Variants in ADAM22 observed in about 807,000 individuals in gnomAD.
The protein encoded by ADAM22 is disintegrin and metalloproteinase domain-containing protein 22.
ADAM22 carries 65 observed loss-of-function variants against 144.6 expected under a neutral mutation model. That is an observed-to-expected ratio of 0.45 (90% CI 0.37 to 0.55). The LOEUF is 0.55. ADAM22 is among the 20% of genes least tolerant of loss of function. ADAM22 has a pLI of 0.00. For missense variants in ADAM22, 974 were observed against 1,184.9 expected, an observed-to-expected ratio of 0.82 and a Z score of 2.61; for synonymous variants, 391 against 412.6, an observed-to-expected ratio of 0.95 and a Z score of 0.63.
At chr7:88,091,786 T>C (rs913432161) in intron 4 of ADAM22, among the ~76,000 whole-genome samples, 1 of 152,158 alleles carries the variant, frequency 6.6e-6, no homozygotes, top group Non-Finnish European at 1.5e-5. Flanking sequence ...AGAATGCAAA[T>C]ATTTTAATTA....
chr7:88,019,141 C>T (rs1473854018), intron 3 of ADAM22, among the ~76,000 whole-genome samples: 2 of 151,852 alleles, frequency 1.3e-5, no homozygotes, highest in Non-Finnish European at 2.9e-5. Context: ...AGCAATTTAG[C>T]ACTGACCCAG....
intron 2 of ADAM22, among the ~76,000 whole-genome samples, chr7:87,978,113 T>C (rs1852345593): frequency 6.6e-6 from 1 of 152,216 alleles, no homozygotes; most frequent in African/African-American, 2.4e-5. Flanking sequence ...ACTAGAAAAG[T>C]AGGGCACTTG....
At chr7:88,007,751 A>G (rs1584975033) in intron 3 of ADAM22, among the ~76,000 whole-genome samples, 5 of 152,340 alleles carry the variant, frequency 3.3e-5, no homozygotes, top group Admixed American at 6.5e-5. Context: ...AATTAATTCA[A>G]GATGGATTAA....
At chr7:88,137,933 CA>C (rs1245121986) in intron 14 of ADAM22, among the ~76,000 whole-genome samples, 1 of 152,122 alleles carries the variant, frequency 6.6e-6, no homozygotes, top group African/African-American at 2.4e-5. Context: ...GCAGGCAGAT[CA>C]CTTGAGCCCA....
chr7:88,152,860 T>C (rs1384108461), intron 20 of ADAM22, among the ~76,000 whole-genome samples: 4 of 152,086 alleles, frequency 2.6e-5, no homozygotes, highest in Non-Finnish European at 5.9e-5. Flanking sequence ...TTTTGTATTT[T>C]AGTAGAGACG....
intron 3 of ADAM22, among the ~76,000 whole-genome samples, chr7:88,066,315 GT>G (rs1811228793): frequency 6.6e-6 from 1 of 152,058 alleles, no homozygotes; most frequent in Non-Finnish European, 1.5e-5. Context: ...TTTCTTATCA[GT>G]TCCATATATG....
intron 2 of ADAM22, among the ~76,000 whole-genome samples, chr7:87,937,345 G>T (rs576982916): frequency 6.6e-5 from 10 of 152,076 alleles, no homozygotes; most frequent in African/African-American, 2.4e-4. Flanking sequence ...TTTCAGTGAA[G>T]ACATGGAGTC....
chr7:88,183,270 G>T (rs1847528060), intron 29 of ADAM22, among the ~76,000 whole-genome samples: 1 of 152,056 alleles, frequency 6.6e-6, no homozygotes, highest in Admixed American at 6.6e-5. Context: ...AATGTTGTTT[G>T]GTTTGTTTTG....
chr7:88,119,850 A>G (rs367977858), intron 7 of ADAM22, among the ~76,000 whole-genome samples: 1 of 152,286 alleles, frequency 6.6e-6, no homozygotes, highest in East Asian at 1.9e-4. Context: ...GTTTTTGACT[A>G]TTATGAGAAA....
chr7:87,946,054 CTT>C (rs934117180), intron 2 of ADAM22, among the ~76,000 whole-genome samples: 18 of 151,654 alleles, frequency 1.2e-4, no homozygotes, highest in Admixed American at 3.9e-4. Flanking sequence ...GTTTTTTTGA[CTT>C]TTTAATAATA....
At position 87,955,820 on chromosome 7, in the gene ADAM22, C is replaced by A. The variant is rs1286963009; in HGVS notation, c.246+20634C>A. Among the ~76,000 whole-genome samples the A allele has an allele frequency of 2.0e-5, 3 of 152,298 alleles. No individual in the cohort carries two copies. In the East Asian group the frequency reaches 5.8e-4, roughly 29 times the overall value. On this transcript the variant is annotated intron_variant, in intron 2 of 31. Transcript: ENST00000413139. ...TGGCTGCTTCGTTTACCTAAGCGAG[C>A]CTGGGCAATGGTGGGCGCCCCTCCC...
At chr7:87,956,883 G>A (rs1170777044) in intron 2 of ADAM22, among the ~76,000 whole-genome samples, 1 of 152,116 alleles carries the variant, frequency 6.6e-6, no homozygotes, top group African/African-American at 2.4e-5. Context: ...GAACATGTGT[G>A]TAAAAAATTT....
At chr7:88,066,507 G>T (rs548266444) in intron 3 of ADAM22, among the ~76,000 whole-genome samples, 2 of 152,248 alleles carry the variant, frequency 1.3e-5, no homozygotes, top group South Asian at 2.1e-4. Context: ...AGTAAGAGAT[G>T]TTGAGTATAT....
At chr7:88,083,244 A>T (rs915569261) in intron 4 of ADAM22, among the ~76,000 whole-genome samples, 1 of 152,144 alleles carries the variant, frequency 6.6e-6, no homozygotes, top group Admixed American at 6.5e-5. Flanking sequence ...GAGGACAAAA[A>T]ACCAAACACC....
chr7:88,158,390 G>A (rs189765246), intron 22 of ADAM22, among the ~76,000 whole-genome samples: 1 of 152,106 alleles, frequency 6.6e-6, no homozygotes, highest in African/African-American at 2.4e-5. Flanking sequence ...AGTCAATATT[G>A]GACCAAATGG....
chr7:88,196,730 A>G lies in ADAM22; in HGVS notation c.*239A>G, dbSNP rs149708206. On this transcript the variant is annotated 3_prime_UTR_variant, in exon 32 of 32. Transcript: ENST00000413139. ...AAATATTACACTATAACATGGAACA[A>G]TAAAGGTACTGGTATGTTAATGGAT... 170 of 548,430 alleles carry G rather than the reference A, an allele frequency of 3.1e-4. 5 individuals carry two copies. In the East Asian group the frequency reaches 3.4e-3, roughly 11 times the overall value. 34.0% of individuals were successfully genotyped at this position (548,430 alleles called of 1,614,324 possible). A position where few individuals can be genotyped will look rare whatever the true frequency, so the allele number is the denominator to read the frequency against.
At chr7:88,010,382 A>T (rs557924222) in intron 3 of ADAM22, among the ~76,000 whole-genome samples, 70 of 152,342 alleles carry the variant, frequency 4.6e-4, no homozygotes, top group Middle Eastern at 6.8e-3. Context: ...GGCTCGGGTA[A>T]CAAACCACTG....
intron 2 of ADAM22, among the ~76,000 whole-genome samples, chr7:87,967,160 G>A (rs1442735253): frequency 6.6e-6 from 1 of 152,166 alleles, no homozygotes; most frequent in African/African-American, 2.4e-5. Context: ...TGTGAACTGA[G>A]TCAATTAAAC....
intron 4 of ADAM22, among the ~76,000 whole-genome samples, chr7:88,098,302 A>G (rs1210261881): frequency 1.3e-5 from 2 of 152,190 alleles, no homozygotes; most frequent in Admixed American, 6.5e-5. Flanking sequence ...TAGATGAGTG[A>G]TGCCATGGTA....
Sources: allele counts gnomAD v4.1 joint callset (sites outside exome capture counted in the v4.1 genomes callset), GRCh38; gene constraint gnomAD v4.1.1; transcripts MANE v1.5; gene names NCBI Gene and HGNC (gene_info 2026-07-23, HGNC 2026-07-21).